The following FGD4 variants were observed in gnomAD, a reference collection of about 807,000 sequenced individuals.
FGD4 encodes the protein FYVE, RhoGEF and PH domain-containing protein 4.
Under a neutral mutation model 102.0 loss-of-function variants are expected in FGD4, and 42 were observed. The observed-to-expected ratio is 0.41, with a 90% confidence interval of 0.32 to 0.53. The LOEUF is 0.53. Among genes scored for constraint, FGD4 ranks in the 20% least tolerant of loss-of-function variants. The probability of loss-of-function intolerance (pLI) is 0.21; values close to 1 mark genes in which losing one functional copy is unlikely to be tolerated. For synonymous variants in FGD4, 380 were observed against 375.7 expected (o/e 1.01, Z -0.13); for missense variants, 902 against 1,078.2 (o/e 0.84, Z 2.29).
chr12:32,433,868 A>ATTT lies in FGD4; in HGVS notation c.166+33913_166+33915dup, dbSNP rs1942135710. Among the ~76,000 whole-genome samples, 22 of 150,956 alleles carry ATTT rather than the reference A, an allele frequency of 1.5e-4. No homozygotes were observed. The South Asian group carries it at 4.4e-3, about 30-fold the overall frequency. ...ATTTATTTATTTATTTATTATTATT[A>ATTT]TTTTTTGAGACGGAGTCTTGCTCTG... On this transcript the variant is annotated intron_variant, in intron 1 of 16. Transcript: ENST00000534526.
chr12:32,453,220 A>AT lies in FGD4; in HGVS notation c.166+53261_166+53262insT, dbSNP rs1391496111. ...ATATATTATATATATATATATATATAATATAGATATATATATATTTTTTTT... is the reference window on the plus strand; with the variant it reads ...ATATATTATATATATATATATATATATATATAGATATATATATATTTTTTTT... On this transcript the variant is annotated intron_variant, in intron 1 of 16. Coordinates refer to ENST00000534526, the MANE Select transcript of FGD4 (RefSeq NM_001370298.3). 9.1e-3 allele frequency among the ~76,000 whole-genome samples: 476 copies of AT among 52,180 alleles called. 5 individuals carry two copies. Among genetic ancestry groups the AT allele is most frequent in the South Asian group, 0.027 (30 of 1,132 alleles). 34.2% of individuals were successfully genotyped at this position (52,180 alleles called of 152,430 possible). A position where few individuals can be genotyped will look rare whatever the true frequency, so the allele number is the denominator to read the frequency against.
chr12:32,589,277 C>T (rs1468448780), intron 4 of FGD4, among the ~76,000 whole-genome samples: 3 of 152,226 alleles, frequency 2.0e-5, no homozygotes, highest in Admixed American at 6.5e-5. Context: ...TCAACACATT[C>T]TGCCAGGTTA....
At chr12:32,624,259 G>T (rs186006518) in intron 11 of FGD4, among the ~76,000 whole-genome samples, 163 bp from the exon 12 acceptor site, 1 of 152,096 alleles carries the variant, frequency 6.6e-6, no homozygotes, top group Non-Finnish European at 1.5e-5. Flanking sequence ...TACTTAAGAA[G>T]AATTTTATTT....
chr12:32,578,548 G>A (rs984956283), intron 3 of FGD4, among the ~76,000 whole-genome samples: 25 of 152,054 alleles, frequency 1.6e-4, no homozygotes, highest in Admixed American at 1.5e-3. Context: ...GACCTTACCC[G>A]GCTGGGTACG....
At chr12:32,440,283 A>C (rs1330592345) in intron 1 of FGD4, among the ~76,000 whole-genome samples, 1 of 152,186 alleles carries the variant, frequency 6.6e-6, no homozygotes, top group Admixed American at 6.6e-5. Context: ...GTTTGTGCCC[A>C]TCCTTCTTGG....
chr12:32,563,019 CG>C (rs1944768463), intron 1 of FGD4, among the ~76,000 whole-genome samples: 2 of 150,896 alleles, frequency 1.3e-5, no homozygotes, highest in South Asian at 4.2e-4. Flanking sequence ...ACCTCCCGGA[CG>C]GGGCGGCTGG....
In FGD4 at chr12:32,546,199, G is replaced by C. The variant is rs991928128; in HGVS notation, c.167-17938G>C. ...CCCAAATATTAGAAGTACAGCTCCA[G>C]ATTATGAGCCTGTTTCTCTTTTTCT... On this transcript the variant is annotated intron_variant, in intron 1 of 16. Transcript: ENST00000534526. Among the ~76,000 whole-genome samples, 9 of 152,314 alleles carry C rather than the reference G, an allele frequency of 5.9e-5. No individual in the cohort carries two copies. In the South Asian group the frequency reaches 1.9e-3, roughly 32 times the overall value.
At chr12:32,595,835 A>AT (rs1439818872) in intron 4 of FGD4, among the ~76,000 whole-genome samples, 3 of 152,212 alleles carry the variant, frequency 2.0e-5, no homozygotes, top group Admixed American at 2.0e-4. Context: ...TGAGACCACA[A>AT]ATTATTTAAA....
intron 1 of FGD4, among the ~76,000 whole-genome samples, chr12:32,498,139 C>T (rs773825036): frequency 6.6e-6 from 1 of 152,150 alleles, no homozygotes; most frequent in African/African-American, 2.4e-5. Flanking sequence ...TTTGTAGAGG[C>T]TAAGGGCTTA....
Position 32,598,521 on chromosome 12 carries a change from A to G in FGD4, c.1036A>G (p.Lys346Glu), listed in dbSNP as rs1948088791. 6.2e-7 allele frequency: 1 copy of G among 1,613,616 alleles called. No homozygotes were observed. The highest frequency in any genetic ancestry group is 8.5e-7 in the Non-Finnish European group (1 of 1,179,826). ...MKETNEQKLH[K>E]IANELLLTER... The stretch of plus-strand genomic sequence containing the variant: ...GGAGACTAATGAGCAAAAACTTCAC[A>G]AAATAGCCAATGAACTTTTGCTTAC... The change falls in exon 5 of 17, where the codon AAA (lysine) becomes GAA (glutamate). Residue 346 changes from lysine to glutamate, a missense_variant. Transcript: ENST00000534526.
At chr12:32,542,238 A>T (rs1942903116) in intron 1 of FGD4, among the ~76,000 whole-genome samples, 1 of 152,242 alleles carries the variant, frequency 6.6e-6, no homozygotes, top group Non-Finnish European at 1.5e-5. Context: ...TAAAGTCTAC[A>T]GAAATTAGTT....
chr12:32,466,452 C>G (rs1416049497), intron 1 of FGD4, among the ~76,000 whole-genome samples: 1 of 152,146 alleles, frequency 6.6e-6, no homozygotes, highest in East Asian at 1.9e-4. Flanking sequence ...AGGCTGGTCT[C>G]TGTTCTGTTC....
At position 32,464,812 on chromosome 12, in the gene FGD4, A is replaced by G. The variant is rs377384573; in HGVS notation, c.166+64853A>G. Among the ~76,000 whole-genome samples, 5 of 152,358 alleles carry G rather than the reference A, an allele frequency of 3.3e-5. 1 individual carries two copies. Among genetic ancestry groups the G allele is most frequent in the African/African-American group, 1.2e-4 (5 of 41,592 alleles). On this transcript the variant is annotated intron_variant, in intron 1 of 16. Coordinates refer to ENST00000534526, the MANE Select transcript of FGD4 (RefSeq NM_001370298.3). ...AATGTGACTTACATCCTGTGCTTCT[A>G]AGAACTATGTTATGCTGGTCCCTTA...
intron 10 of FGD4, among the ~76,000 whole-genome samples, chr12:32,618,246 AT>A (rs1488564782): frequency 6.6e-6 from 1 of 152,334 alleles, no homozygotes; most frequent in South Asian, 2.1e-4. Flanking sequence ...TGCAGGAACA[AT>A]TTGGTTATTG....
chr12:32,585,178 G>A (rs867416288), intron 4 of FGD4, among the ~76,000 whole-genome samples: 22 of 149,244 alleles, frequency 1.5e-4, no homozygotes, highest in Non-Finnish European at 2.8e-4. Context: ...TCCCACCACA[G>A]CGCTCCAGGC....
At chr12:32,626,870 G>A (rs758058998) in intron 14 of FGD4, among the ~76,000 whole-genome samples, 2 of 152,032 alleles carry the variant, frequency 1.3e-5, no homozygotes, top group African/African-American at 2.4e-5. Flanking sequence ...TTTTTGAGAC[G>A]GAGTTTTGCT....
intron 1 of FGD4, among the ~76,000 whole-genome samples, chr12:32,486,631 A>C (rs1353288118): frequency 6.6e-6 from 1 of 152,220 alleles, no homozygotes; most frequent in Non-Finnish European, 1.5e-5. Context: ...TGGGGATAAA[A>C]ATTCCCCCTA....
At chr12:32,580,437 C>T (rs1438685366) in intron 3 of FGD4, among the ~76,000 whole-genome samples, 6 of 152,136 alleles carry the variant, frequency 3.9e-5, no homozygotes, top group Admixed American at 6.5e-5. Context: ...TCAAGCGCCA[C>T]GCTAAGAGGT....
intron 1 of FGD4, among the ~76,000 whole-genome samples, chr12:32,414,416 A>T (rs1209115945): frequency 2.0e-5 from 3 of 152,174 alleles, no homozygotes; most frequent in African/African-American, 7.2e-5. Flanking sequence ...CCATCCTGTG[A>T]AGCATTCATC....
Sources: allele counts gnomAD v4.1 joint callset (sites outside exome capture counted in the v4.1 genomes callset), GRCh38; gene constraint gnomAD v4.1.1; transcripts MANE v1.5; gene names NCBI Gene and HGNC (gene_info 2026-07-23, HGNC 2026-07-21).